The following RNF150 variants were observed in gnomAD, a reference collection of about 807,000 sequenced individuals.
The protein encoded by RNF150 is ring finger protein 150.
A neutral mutation model predicts 39.3 loss-of-function variants in RNF150; 24 were observed. The ratio of observed to expected loss-of-function variants is 0.61; its 90% CI spans 0.44 to 0.86. RNF150 has a LOEUF of 0.86. Ranked by LOEUF, RNF150 falls within the 40% of genes least tolerant of loss-of-function variation. RNF150 has a pLI of 0.00. For missense variants in RNF150, 502 were observed against 587.8 expected (o/e 0.85, Z 1.51); for synonymous variants, 255 against 227.3 (o/e 1.12, Z -1.10).
At chr4:140,986,109 C>G (rs959132185) in intron 1 of RNF150, among the ~76,000 whole-genome samples, 1 of 152,070 alleles carries the variant, frequency 6.6e-6, no homozygotes, top group East Asian at 1.9e-4. Flanking sequence ...TGGCTGTTCT[C>G]TTCTATAAAT....
intron 1 of RNF150, among the ~76,000 whole-genome samples, chr4:141,059,134 T>C (rs1405064435): frequency 2.6e-5 from 4 of 152,182 alleles, no homozygotes; most frequent in Admixed American, 6.5e-5. Flanking sequence ...TTTACATCCA[T>C]GATCTTTCTC....
intron 1 of RNF150, among the ~76,000 whole-genome samples, chr4:141,077,785 A>G (rs868725543): frequency 6.6e-6 from 1 of 152,230 alleles, no homozygotes. Context: ...AGGTTTTGCT[A>G]TCCTGGCCCT....
chr4:141,080,687 G>A (rs7441557), intron 1 of RNF150, among the ~76,000 whole-genome samples: 114,345 of 152,128 alleles, frequency 0.75, 43,560 homozygotes, highest in East Asian at 1. Context: ...TGTGAGAAAG[G>A]GCAAGGGGAA....
intron 1 of RNF150, among the ~76,000 whole-genome samples, chr4:141,124,613 G>A (rs554815335): frequency 4.8e-4 from 73 of 152,268 alleles, no homozygotes; most frequent in African/African-American, 9.4e-4. Context: ...TGTAGATAGT[G>A]GGGAACAGAA....
chr4:141,156,651 T>C (rs893440459), intron 1 of RNF150, among the ~76,000 whole-genome samples: 2 of 147,730 alleles, frequency 1.4e-5, no homozygotes, highest in Non-Finnish European at 3.0e-5. Context: ...CCCAGCACTT[T>C]GGGAGGCTGA....
At chr4:140,919,781 A>AGGTAACTTGGTAACTTGT (rs368964062) in intron 5 of RNF150, among the ~76,000 whole-genome samples, 19,334 of 152,034 alleles carry the variant, frequency 0.13, 1,403 homozygotes, top group Admixed American at 0.21. Flanking sequence ...ACCTGACTTC[A>AGGTAACTTGGTAACTTGT]AACTTGGTTA....
At chr4:140,991,509 CTTGAG>C (rs1189293957) in intron 1 of RNF150, among the ~76,000 whole-genome samples, 2 of 152,040 alleles carry the variant, frequency 1.3e-5, no homozygotes, top group Non-Finnish European at 1.5e-5. Flanking sequence ...TTTAATCTAT[CTTGAG>C]TTAATTTTTG....
intron 6 of RNF150, among the ~76,000 whole-genome samples, chr4:140,873,431 A>G (rs769153382): frequency 6.6e-5 from 10 of 152,104 alleles, no homozygotes; most frequent in Non-Finnish European, 1.3e-4. Context: ...GAGCCTGAAA[A>G]TTGCCCCCAA....
intron 1 of RNF150, among the ~76,000 whole-genome samples, chr4:141,083,397 C>CT (rs1158075711): frequency 6.6e-6 from 1 of 152,138 alleles, no homozygotes; most frequent in Admixed American, 6.5e-5. Context: ...AAATTAAGCC[C>CT]TTTTTTCTCT....
chr4:140,976,090 T>C (rs947067902), intron 1 of RNF150, among the ~76,000 whole-genome samples: 5 of 152,168 alleles, frequency 3.3e-5, no homozygotes, highest in Non-Finnish European at 7.4e-5. Flanking sequence ...GGCTTTCCTA[T>C]GAAGACACTG....
intron 4 of RNF150, among the ~76,000 whole-genome samples, chr4:140,929,398 G>C (rs944190647): frequency 2.8e-5 from 3 of 109,042 alleles, no homozygotes; most frequent in Non-Finnish European, 5.0e-5. Context: ...ATGGAGTCTT[G>C]CTCTGTCGCC....
intron 1 of RNF150, among the ~76,000 whole-genome samples, chr4:141,141,071 C>T (rs1420887091): frequency 3.3e-5 from 5 of 152,158 alleles, no homozygotes; most frequent in African/African-American, 9.7e-5. Context: ...CACAAGACTA[C>T]AGCATTAATG....
intron 4 of RNF150, among the ~76,000 whole-genome samples, chr4:140,937,239 T>G (rs961364672): frequency 5.9e-5 from 9 of 152,304 alleles, no homozygotes; most frequent in Non-Finnish European, 1.3e-4. Context: ...ATTATGCAAC[T>G]ACTAAAAATT....
chr4:141,132,446 GA>G lies in RNF150; in HGVS notation c.362del (p.Ile121ThrfsTer43). ...PTRGKNWIAL[I>X]PKGNCTYRDK... ...CCCTGTACGTGCAGTTGCCCTTGGG[GA>G]TGAGGGCTATCCAGTTCTTGCCGCG... On this transcript the variant is annotated frameshift_variant, in exon 1 of 7. Coordinates refer to ENST00000515673, the MANE Select transcript of RNF150 (RefSeq NM_020724.2). LOFTEE classifies it high-confidence loss of function. The surrounding 1 kb of genome is among the most constrained non-coding windows in gnomAD (Gnocchi z 4.9). The G allele has an allele frequency of 6.2e-7, 1 of 1,610,752 alleles. No homozygotes were observed. The highest frequency in any genetic ancestry group is 8.5e-7 in the Non-Finnish European group (1 of 1,178,952).
chr4:141,062,271 T>A (rs1314577048), intron 1 of RNF150, among the ~76,000 whole-genome samples: 1 of 152,130 alleles, frequency 6.6e-6, no homozygotes. Flanking sequence ...TTGTTTTATG[T>A]CTGTATTATA....
In RNF150 at chr4:141,000,047, GAA is replaced by G. The variant is rs1560679229; in HGVS notation, c.485-32176_485-32175del. Among the ~76,000 whole-genome samples, 11 of 90,596 alleles carry G rather than the reference GAA, an allele frequency of 1.2e-4. 2 individuals are homozygous for G. Among genetic ancestry groups the G allele is most frequent in the African/African-American group, 4.4e-4 (11 of 25,188 alleles). 59.4% of individuals were successfully genotyped at this position (90,596 alleles called of 152,430 possible). ...AGAAGAAGAAGAAGAAGAAGAAGAA[GAA>G]GAAGAAGAAGAAGAAGAAGAAGAAG... is the stretch of plus-strand genomic sequence containing the variant. On this transcript the variant is annotated intron_variant, in intron 1 of 6. Transcript: ENST00000515673.
intron 1 of RNF150, among the ~76,000 whole-genome samples, chr4:141,143,521 C>T (rs774923725): frequency 6.6e-6 from 1 of 152,166 alleles, no homozygotes; most frequent in Non-Finnish European, 1.5e-5. Flanking sequence ...CCACCAGGCT[C>T]GCTTGTCACA....
chr4:141,051,206 A>G (rs1474615610), intron 1 of RNF150, among the ~76,000 whole-genome samples: 1 of 152,112 alleles, frequency 6.6e-6, no homozygotes, highest in Non-Finnish European at 1.5e-5. Flanking sequence ...GACTGCACAC[A>G]GCATGGCCCA....
rs548393140 is a variant in RNF150 at position 141,030,416 on chromosome 4, T to C, written c.485-62543A>G. The stretch of plus-strand genomic sequence containing the variant: ...ACAGTTCCCAAGAGGTTGAAAATTA[T>C]CATATGCTCCAGGAATCATATGATA... On this transcript the variant is annotated intron_variant, in intron 1 of 6. Coordinates refer to ENST00000515673, the MANE Select transcript of RNF150 (RefSeq NM_020724.2). Among the ~76,000 whole-genome samples the C allele has an allele frequency of 1.4e-4, 21 of 152,312 alleles. No individual in the cohort carries two copies. The South Asian group carries it at 4.1e-3, about 30-fold the overall frequency.
Sources: gnomAD v4.1 joint callset for allele counts (sites outside exome capture counted in the v4.1 genomes callset) on GRCh38, gnomAD v4.1.1 for gene constraint, Gnocchi (gnomAD v3.1) non-coding constraint, MANE v1.5 for transcripts, NCBI Gene and HGNC (gene_info 2026-07-23, HGNC 2026-07-21) for gene names.